Variants in SUZ12 observed in about 807,000 individuals in gnomAD.
SUZ12 encodes SUZ12 polycomb repressive complex 2 subunit.
A neutral mutation model predicts 87.3 loss-of-function variants in SUZ12; 17 were observed. The ratio of observed to expected loss-of-function variants is 0.19; its 90% CI spans 0.13 to 0.29. SUZ12 has a LOEUF of 0.29. SUZ12 is among the 10% of genes least tolerant of loss of function. The pLI, the probability that SUZ12 is intolerant of heterozygous loss-of-function variation, is 1.00. For missense variants in SUZ12, 526 were observed against 912.2 expected, an observed-to-expected ratio of 0.58 and a Z score of 5.45; for synonymous variants, 253 against 312.4, an observed-to-expected ratio of 0.81 and a Z score of 2.01.
At chr17:31,959,317 C>G (rs1907558928) in intron 4 of SUZ12, among the ~76,000 whole-genome samples, 1 of 152,202 alleles carries the variant, frequency 6.6e-6, no homozygotes, top group South Asian at 2.1e-4. Flanking sequence ...TAAAAATATT[C>G]CTTGTATAAT....
In SUZ12 at chr17:31,999,359, T is replaced by C. The variant is rs1186079615; in HGVS notation, c.*356T>C. ...TTTATGAACGGCTGTTTTTCTACTT[T>C]GTAATTGTGAGACATTTTCTTGGGG... is the stretch of plus-strand genomic sequence containing the variant. On this transcript the variant is annotated 3_prime_UTR_variant, in exon 16 of 16. Coordinates refer to ENST00000322652, the MANE Select transcript of SUZ12 (RefSeq NM_015355.4). 12 of 234,878 alleles carry C rather than the reference T, an allele frequency of 5.1e-5. No individual in the cohort carries two copies. In the East Asian group the frequency reaches 6.7e-4, roughly 13 times the overall value. 14.5% of individuals were successfully genotyped at this position (234,878 alleles called of 1,614,324 possible). A position where few individuals can be genotyped will look rare whatever the true frequency, so the allele number is the denominator to read the frequency against.
intron 4 of SUZ12, among the ~76,000 whole-genome samples, chr17:31,963,586 C>T (rs192742122): frequency 6.6e-6 from 1 of 151,912 alleles, no homozygotes; most frequent in East Asian, 2.0e-4. Context: ...CACCTCCGCC[C>T]TCCGAGTTCA....
chr17:31,988,630 T>G, intron 10 of SUZ12, 133 bp downstream of exon 10: 1 of 941,386 alleles, frequency 1.1e-6, no homozygotes, highest in Non-Finnish European at 1.5e-6. Context: ...TCTTGCTCTG[T>G]TGCCCAGGCA....
At chr17:31,944,254 G>A (rs999166260) in intron 3 of SUZ12, among the ~76,000 whole-genome samples, 3 of 151,454 alleles carry the variant, frequency 2.0e-5, no homozygotes, top group Non-Finnish European at 4.4e-5. Context: ...TCAGCCTCCC[G>A]AGTAGCTGGG....
intron 5 of SUZ12, among the ~76,000 whole-genome samples, chr17:31,969,328 G>A (rs1005598069): frequency 2.6e-5 from 4 of 152,026 alleles, no homozygotes; most frequent in African/African-American, 4.8e-5. Flanking sequence ...TGTATTTTTA[G>A]TAGAGATGGG....
At chr17:31,984,378 C>T (rs72823802) in intron 9 of SUZ12, among the ~76,000 whole-genome samples, 6,182 of 152,062 alleles carry the variant, frequency 0.041, 181 homozygotes, top group Middle Eastern at 0.065. Flanking sequence ...TTCTGCAAGG[C>T]TCATAAACAT....
Position 32,000,232 on chromosome 17 carries a change from G to A in SUZ12, c.*1229G>A. 4.3e-6 allele frequency: 1 copy of A among 233,130 alleles called. No homozygotes were observed. The highest frequency in any genetic ancestry group is 8.5e-6 in the Non-Finnish European group (1 of 117,788). 14.4% of individuals were successfully genotyped at this position (233,130 alleles called of 1,614,324 possible). A position where few individuals can be genotyped will look rare whatever the true frequency, so the allele number is the denominator to read the frequency against. On this transcript the variant is annotated 3_prime_UTR_variant, in exon 16 of 16. Transcript: ENST00000322652. ...TCTTTATTTATAAAGGATCAATGCT[G>A]CTGTAAATACAGGTATTTTTAATTT...
intron 8 of SUZ12, among the ~76,000 whole-genome samples, chr17:31,978,944 A>G (rs977992947): frequency 2.6e-5 from 4 of 151,726 alleles, no homozygotes; most frequent in Admixed American, 6.6e-5. Flanking sequence ...CATCTCTACT[A>G]AAAATACAAA....
intron 5 of SUZ12, among the ~76,000 whole-genome samples, chr17:31,971,787 A>G (rs533358797): frequency 5.1e-4 from 78 of 152,148 alleles, no homozygotes; most frequent in Middle Eastern, 3.4e-3. Flanking sequence ...GTATTTGTCA[A>G]AATTACTTTT....
In SUZ12 at chr17:31,937,605, T is replaced by C. The variant is rs908995185; in HGVS notation, c.274+85T>C. ...ACACTCTGCTGGGCCCCCTTCCTCCTCGGGAGTCCACTTGTGTGGTAGTGG... is the reference window on the plus strand; with the variant it reads ...ACACTCTGCTGGGCCCCCTTCCTCCCCGGGAGTCCACTTGTGTGGTAGTGG... On this transcript the variant is annotated intron_variant, in intron 1 of 15. Transcript: ENST00000322652. The C allele has an allele frequency of 1.5e-3, 2,209 of 1,501,310 alleles. 2 individuals are homozygous for C. The highest frequency in any genetic ancestry group is 1.9e-3 in the Non-Finnish European group (2,149 of 1,125,276). The allele number at this position is 1,501,310 out of a possible 1,614,324, so 93.0% of individuals were successfully genotyped here.
Position 31,986,832 on chromosome 17 carries a change from G to A in SUZ12, c.1024-1488G>A, listed in dbSNP as rs148207851. On this transcript the variant is annotated intron_variant, in intron 9 of 15. Transcript: ENST00000322652. ...CCCAAAGTGCTGGGATTACAGGCGT[G>A]TGCCATTGCGCCCGGTCCTCTAATC... Among the ~76,000 whole-genome samples, 1,494 of 152,346 alleles carry A rather than the reference G, an allele frequency of 9.8e-3. 8 individuals are homozygous for A. Among genetic ancestry groups the A allele is most frequent in the Middle Eastern group, 0.014 (4 of 294 alleles).
Position 31,985,015 on chromosome 17 carries a change from C to T in SUZ12, c.1023+1911C>T, listed in dbSNP as rs553299626. 1.4e-3 allele frequency among the ~76,000 whole-genome samples: 216 copies of T among 152,180 alleles called. 1 individual carries two copies. The highest frequency in any genetic ancestry group is 0.01 in the Middle Eastern group (3 of 294). ...ACCAAAAACACAAAAATTAGCCAGG[C>T]ATGGTGGCAGGTGCTTGTAGTCCCA... On this transcript the variant is annotated intron_variant, in intron 9 of 15. Coordinates refer to ENST00000322652, the MANE Select transcript of SUZ12 (RefSeq NM_015355.4).
At chr17:31,968,880 T>TTTCCTA (rs1908250728) in intron 5 of SUZ12, among the ~76,000 whole-genome samples, 1 of 152,244 alleles carries the variant, frequency 6.6e-6, no homozygotes, top group African/African-American at 2.4e-5. Flanking sequence ...ATTAAGCTTT[T>TTTCCTA]TTCCTATCTT....
In SUZ12 at chr17:31,995,591, T is replaced by G. The variant is rs1909935152; in HGVS notation, c.1623T>G (p.Ser541=). 6.2e-7 allele frequency: 1 copy of G among 1,613,950 alleles called. No individual in the cohort carries two copies. Among genetic ancestry groups the G allele is most frequent in the Admixed American group, 1.7e-5 (1 of 60,002 alleles). The part of the protein sequence containing the change: ...CRPKRTKASM[S]EFLESEDGEV... ...CAAAACGAACAAAAGCAAGCATGTC[T>G]GAATTTCTTGAATCTGAAGATGGGG... The change falls in exon 14 of 16, where the codon TCT becomes TCG. Residue 541 remains serine, a synonymous_variant. Transcript: ENST00000322652.
In SUZ12 at chr17:31,940,281, C is replaced by T. The variant is rs1011664623; in HGVS notation, c.275-5C>T. On this transcript the variant is annotated splice_region_variant and splice_polypyrimidine_tract_variant and intron_variant, in intron 1 of 15. Transcript: ENST00000322652. ...CATGTTTGGATTTTGTTTCCTATTACCTAGAGCCAACACAGATCTATAGAT... is the reference window on the plus strand; with the variant it reads ...CATGTTTGGATTTTGTTTCCTATTATCTAGAGCCAACACAGATCTATAGAT... The T allele has an allele frequency of 2.5e-6, 4 of 1,611,574 alleles. No individual in the cohort carries two copies. Among genetic ancestry groups the T allele is most frequent in the Non-Finnish European group, 3.4e-6 (4 of 1,179,270 alleles).
At chr17:31,971,777 G>A (rs956876424) in intron 5 of SUZ12, among the ~76,000 whole-genome samples, 3 of 152,024 alleles carry the variant, frequency 2.0e-5, no homozygotes, top group African/African-American at 7.2e-5. Context: ...AGCTTTAACT[G>A]TATTTGTCAA....
intron 11 of SUZ12, 92 bp from the exon 12 acceptor site, chr17:31,993,773 A>G: frequency 7.6e-7 from 1 of 1,319,230 alleles, no homozygotes; most frequent in South Asian, 1.4e-5. Flanking sequence ...TTCCGCTTAA[A>G]TTTTTTAAAC....
intron 8 of SUZ12, among the ~76,000 whole-genome samples, chr17:31,977,505 C>G (rs1241377540): frequency 2.0e-5 from 3 of 152,072 alleles, no homozygotes; most frequent in Non-Finnish European, 4.4e-5. Context: ...GTGTCGGTCT[C>G]CTCATCTCGT....
intron 15 of SUZ12, among the ~76,000 whole-genome samples, chr17:31,997,311 G>A (rs1347615794): frequency 6.6e-6 from 1 of 152,066 alleles, no homozygotes; most frequent in African/African-American, 2.4e-5. Flanking sequence ...CCTAACTCTC[G>A]TAGTAGTGTT....
Sources: allele counts gnomAD v4.1 joint callset (sites outside exome capture counted in the v4.1 genomes callset), GRCh38; gene constraint gnomAD v4.1.1; transcripts MANE v1.5; gene names NCBI Gene and HGNC (gene_info 2026-07-23, HGNC 2026-07-21).